LRRC74A: variants seen among roughly 807,000 people sequenced by gnomAD.
LRRC74A encodes the protein leucine-rich repeat-containing protein 74A.
LRRC74A carries 44 observed loss-of-function variants against 57.9 expected under a neutral mutation model. The observed-to-expected ratio is 0.76, with a 90% confidence interval of 0.60 to 0.98. The LOEUF is 0.98. LRRC74A is among the 50% of genes least tolerant of loss of function. LRRC74A has a pLI of 0.00. For missense variants in LRRC74A, 572 were observed against 574.0 expected, an observed-to-expected ratio of 1.00 and a Z score of 0.04; for synonymous variants, 211 against 219.4, an observed-to-expected ratio of 0.96 and a Z score of 0.34.
At position 76,831,241 on chromosome 14, in the gene LRRC74A, T is replaced by C. The variant is rs776073037; in HGVS notation, c.205T>C (p.Tyr69His). ...TTTCACCACTGGACAAAAGGAGCTGTACCTGGAGGCCTGCAAGCTGATGGG... is the reference window on the plus strand; with the variant it reads ...TTTCACCACTGGACAAAAGGAGCTGCACCTGGAGGCCTGCAAGCTGATGGG... ...KFFTTGQKEL[Y>H]LEACKLMGVV... Residue 69 changes from tyrosine to histidine, a missense_variant, in exon 3 of 14, where the codon TAC becomes CAC. Tyr to His is a moderately conservative substitution (Grantham distance 83, BLOSUM62 2). Coordinates refer to ENST00000689127, the MANE Select transcript of LRRC74A (RefSeq NM_001385106.1). 2 of 1,614,064 alleles carry C rather than the reference T, an allele frequency of 1.2e-6. No homozygotes were observed. The highest frequency in any genetic ancestry group is 4.5e-5 in the East Asian group (2 of 44,888).
intron 7 of LRRC74A, among the ~76,000 whole-genome samples, chr14:76,848,279 TA>T (rs563622507): frequency 1.4e-5 from 2 of 147,436 alleles, no homozygotes; most frequent in Non-Finnish European, 3.0e-5. Flanking sequence ...TAAAGTATGA[TA>T]AAAAAATAAA....
At chr14:76,835,915 T>G (rs1274096198) in intron 3 of LRRC74A, among the ~76,000 whole-genome samples, 1 of 152,216 alleles carries the variant, frequency 6.6e-6, no homozygotes, top group Non-Finnish European at 1.5e-5. Flanking sequence ...TTCTGTCCCC[T>G]TAGGGCTAAA....
At chr14:76,842,675 T>G (rs1490086742) in intron 5 of LRRC74A, among the ~76,000 whole-genome samples, 2 of 152,118 alleles carry the variant, frequency 1.3e-5, no homozygotes, top group African/African-American at 2.4e-5. Flanking sequence ...ATTCATTCAT[T>G]CATTCATTCA....
At chr14:76,830,828 G>C (rs1895921900) in intron 2 of LRRC74A, among the ~76,000 whole-genome samples, 2 of 152,240 alleles carry the variant, frequency 1.3e-5, no homozygotes, top group South Asian at 4.1e-4. Flanking sequence ...TCCGCGTTTG[G>C]CCTTTCAGAA....
intron 7 of LRRC74A, among the ~76,000 whole-genome samples, chr14:76,848,308 AAAATAAAT>A (rs138653406): frequency 0.88 from 127,875 of 146,060 alleles, 56,210 homozygotes; most frequent in South Asian, 0.92. Flanking sequence ...ATTACTTTCA[AAAATAAAT>A]AAATAAATAA....
At chr14:76,845,009 A>C in intron 7 of LRRC74A, 108 bp downstream of exon 7, 1 of 675,182 alleles carries the variant, frequency 1.5e-6, no homozygotes. Context: ...GTGATTATAA[A>C]AGTGATGTAA....
In LRRC74A at chr14:76,854,796, C is replaced by G. The variant is rs910565965; in HGVS notation, c.957+1386C>G. Among the ~76,000 whole-genome samples, 7 of 152,248 alleles carry G rather than the reference C, an allele frequency of 4.6e-5. No homozygotes were observed. In the East Asian group the frequency reaches 1.4e-3, roughly 29 times the overall value. ...AATTTATAATATAGATGCTATTGAG[C>G]AGTTGGAAAATAAATGAAAGGTGAG... On this transcript the variant is annotated intron_variant, in intron 9 of 13. Transcript: ENST00000689127.
At chr14:76,865,751 C>T (rs918597048) in intron 11 of LRRC74A, among the ~76,000 whole-genome samples, 27 of 152,350 alleles carry the variant, frequency 1.8e-4, no homozygotes, top group Non-Finnish European at 2.1e-4. Flanking sequence ...ATCATCCCGG[C>T]ATGCACCTTT....
chr14:76,846,237 G>A (rs1048646160), intron 7 of LRRC74A, among the ~76,000 whole-genome samples: 9 of 152,200 alleles, frequency 5.9e-5, no homozygotes, highest in Admixed American at 2.6e-4. Flanking sequence ...GGTTCTCCTT[G>A]TCATCTTTAA....
At chr14:76,861,768 G>A (rs529912901) in intron 11 of LRRC74A, among the ~76,000 whole-genome samples, 156 of 152,352 alleles carry the variant, frequency 1.0e-3, no homozygotes, top group Non-Finnish European at 1.9e-3. Flanking sequence ...TCACCCTGCA[G>A]TGGGGGCAAG....
intron 11 of LRRC74A, among the ~76,000 whole-genome samples, chr14:76,862,041 G>A (rs1396516651): frequency 6.2e-4 from 94 of 152,246 alleles, no homozygotes; most frequent in Admixed American, 6.1e-3. Flanking sequence ...TGTTTTGCAA[G>A]GGGAGCAGGG....
chr14:76,834,739 G>A (rs1896200931), intron 3 of LRRC74A, among the ~76,000 whole-genome samples: 1 of 152,186 alleles, frequency 6.6e-6, no homozygotes, highest in African/African-American at 2.4e-5. Context: ...CCCCTGGAAT[G>A]TGCTGGTCCC....
intron 11 of LRRC74A, among the ~76,000 whole-genome samples, chr14:76,861,325 A>G (rs1409396898): frequency 6.6e-6 from 1 of 152,226 alleles, no homozygotes; most frequent in East Asian, 1.9e-4. Context: ...GCTGGTAAGG[A>G]TATCAAGACA....
At chr14:76,844,557 C>T (rs926894786) in intron 6 of LRRC74A, 85 bp downstream of exon 6, 20 of 1,352,304 alleles carry the variant, frequency 1.5e-5, no homozygotes, top group Middle Eastern at 2.2e-4. Flanking sequence ...GGCACAGTAA[C>T]GTGAGGCTAC....
At chr14:76,831,417 G>A in intron 3 of LRRC74A, 42 bp downstream of exon 3, 1 of 1,606,106 alleles carries the variant, frequency 6.2e-7, no homozygotes, top group Non-Finnish European at 8.5e-7. Context: ...GGAGGAGGTG[G>A]AGGGTTGGCA....
chr14:76,865,623 C>G (rs1217478086), intron 11 of LRRC74A, among the ~76,000 whole-genome samples: 1 of 152,204 alleles, frequency 6.6e-6, no homozygotes, highest in East Asian at 1.9e-4. Context: ...GATCACTGTC[C>G]CATCCTCGTG....
intron 7 of LRRC74A, among the ~76,000 whole-genome samples, chr14:76,846,699 T>C (rs1042105717): frequency 3.3e-5 from 5 of 152,146 alleles, no homozygotes; most frequent in African/African-American, 1.2e-4. Flanking sequence ...GATAGACTCA[T>C]GGTCATTTTG....
At chr14:76,869,587 AT>A (rs771996385) in intron 13 of LRRC74A, among the ~76,000 whole-genome samples, 3 of 152,082 alleles carry the variant, frequency 2.0e-5, no homozygotes, top group Non-Finnish European at 4.4e-5. Context: ...CCCCACCTCT[AT>A]TAAAAACACA....
chr14:76,830,307 G>T (rs541315590), intron 2 of LRRC74A, among the ~76,000 whole-genome samples: 2 of 152,352 alleles, frequency 1.3e-5, no homozygotes, highest in South Asian at 4.1e-4. Context: ...ATAGACGCCA[G>T]CTGGCCTCAG....
Sources: gnomAD v4.1 joint callset for allele counts (sites outside exome capture counted in the v4.1 genomes callset) on GRCh38, gnomAD v4.1.1 for gene constraint, MANE v1.5 for transcripts, NCBI Gene and HGNC (gene_info 2026-07-23, HGNC 2026-07-21) for gene names.